The following RBM6 variants were observed in gnomAD, a reference collection of about 807,000 sequenced individuals.
RBM6 encodes the protein RNA binding motif protein 6.
A neutral mutation model predicts 140.4 loss-of-function variants in RBM6; 23 were observed. The observed-to-expected ratio is 0.16, with a 90% confidence interval of 0.12 to 0.23. The LOEUF (loss-of-function observed/expected upper bound fraction) is 0.23. Among genes scored for constraint, RBM6 ranks in the 10% least tolerant of loss-of-function variants. RBM6 has a pLI of 1.00. For missense variants in RBM6, 1,139 were observed against 1,386.7 expected (o/e 0.82, Z 2.84); for synonymous variants, 439 against 475.6 (o/e 0.92, Z 1.00).
At position 49,968,505 on chromosome 3, in the gene RBM6, C is replaced by T. The variant is rs771713587; in HGVS notation, c.1080C>T (p.Ser360=). The T allele has an allele frequency of 1.9e-6, 3 of 1,614,172 alleles. No homozygotes were observed. The South Asian group carries it at 3.3e-5, about 18-fold the overall frequency. Residue 360 remains serine (S), a synonymous_variant, in exon 3 of 21, where the codon AGC becomes AGT. Coordinates refer to ENST00000266022, the MANE Select transcript of RBM6 (RefSeq NM_005777.3). ...AGTCTCCAGCAGACTTTCAGAACAG[C>T]CAAAGTCCAGTTCAAGACCAAGATA... The part of the protein sequence containing the change: ...EHESPADFQN[S]QSPVQDQDKS...
intron 5 of RBM6, chr3:49,981,529 A>T (rs550219791): frequency 6.6e-6 from 1 of 152,214 alleles, no homozygotes; most frequent in African/African-American, 2.4e-5. Context: ...AAGTGACTTA[A>T]TAATAAGCAA....
chr3:50,001,793 C>T (rs2108742762), intron 6 of RBM6, among the ~76,000 whole-genome samples: 1 of 152,288 alleles, frequency 6.6e-6, no homozygotes, highest in Non-Finnish European at 1.5e-5. Flanking sequence ...AATTCATAAG[C>T]AGTGAATGTG....
intron 5 of RBM6, among the ~76,000 whole-genome samples, chr3:49,976,936 A>G (rs2085088808): frequency 6.6e-6 from 1 of 152,214 alleles, no homozygotes; most frequent in Admixed American, 6.5e-5. Flanking sequence ...TTTTCTTGGC[A>G]TTCTGTTAAG....
intron 19 of RBM6, among the ~76,000 whole-genome samples, chr3:50,074,044 G>A (rs1187857480): frequency 6.6e-6 from 1 of 152,124 alleles, no homozygotes; most frequent in Non-Finnish European, 1.5e-5. Flanking sequence ...GGTCAGGGTG[G>A]TCTCGAACTC....
chr3:50,030,515 A>T (rs919255504), intron 6 of RBM6, among the ~76,000 whole-genome samples: 2 of 152,040 alleles, frequency 1.3e-5, no homozygotes, highest in East Asian at 3.8e-4. Flanking sequence ...TGTTTATTTT[A>T]TAGTTTATGA....
intron 6 of RBM6, among the ~76,000 whole-genome samples, chr3:50,008,317 G>A (rs1415214404): frequency 1.3e-5 from 2 of 152,136 alleles, no homozygotes; most frequent in African/African-American, 4.8e-5. Context: ...ATGGATTAAA[G>A]TAGTTTAGTT....
rs2083294086 is a variant in RBM6 at position 49,941,786 on chromosome 3, T to G, written c.-67+1561T>G. Among the ~76,000 whole-genome samples the G allele has an allele frequency of 2.0e-5, 3 of 151,882 alleles. No homozygotes were observed. In the South Asian group the frequency reaches 6.2e-4, roughly 32 times the overall value. On this transcript the variant is annotated intron_variant, in intron 1 of 20. Transcript: ENST00000266022. ...TTTCGCTATGTTGGCCAGGCTGGTCTTGAACTACTGACCTCAGGTGATCCA... is the reference window on the plus strand; with the variant it reads ...TTTCGCTATGTTGGCCAGGCTGGTCGTGAACTACTGACCTCAGGTGATCCA...
intron 1 of RBM6, among the ~76,000 whole-genome samples, chr3:49,941,726 A>G (rs1394726983): frequency 6.7e-6 from 1 of 148,674 alleles, no homozygotes; most frequent in Non-Finnish European, 1.5e-5. Context: ...CCTTATGCCC[A>G]GCTAATTTTT....
intron 6 of RBM6, among the ~76,000 whole-genome samples, chr3:50,031,475 C>CT (rs2088156616): frequency 6.6e-6 from 1 of 151,822 alleles, no homozygotes; most frequent in Non-Finnish European, 1.5e-5. Context: ...AGCAAACTAT[C>CT]TAAGGGCAGA....
At chr3:50,003,800 A>G (rs1186905106) in intron 6 of RBM6, among the ~76,000 whole-genome samples, 3 of 152,220 alleles carry the variant, frequency 2.0e-5, no homozygotes, top group African/African-American at 7.2e-5. Flanking sequence ...GTATGAAGGT[A>G]TGAATCTGTT....
chr3:50,065,541 C>A (rs757786968), intron 16 of RBM6: 1 of 458,302 alleles, frequency 2.2e-6, no homozygotes, highest in East Asian at 6.9e-5. Flanking sequence ...TCTGCCTGTT[C>A]AGAGTGAATG....
At chr3:50,014,437 G>A (rs2087011569) in intron 6 of RBM6, among the ~76,000 whole-genome samples, 1 of 152,208 alleles carries the variant, frequency 6.6e-6, no homozygotes. Flanking sequence ...ATATTTGGCA[G>A]CAATTACTAG....
At chr3:50,055,460 T>A (rs1331328421) in intron 8 of RBM6, among the ~76,000 whole-genome samples, 1 of 152,140 alleles carries the variant, frequency 6.6e-6, no homozygotes, top group Non-Finnish European at 1.5e-5. Context: ...TAACGTAACC[T>A]GTTAGTAAAT....
chr3:49,995,942 A>AC (rs2086064556), intron 5 of RBM6, among the ~76,000 whole-genome samples: 2 of 152,294 alleles, frequency 1.3e-5, no homozygotes, highest in Admixed American at 1.3e-4. Context: ...TAGCAATACA[A>AC]CCACTGTAAA....
chr3:50,030,465 T>C (rs115313255), intron 6 of RBM6, among the ~76,000 whole-genome samples: 6 of 152,114 alleles, frequency 3.9e-5, no homozygotes, highest in East Asian at 1.9e-4. Context: ...TCATTTCTTA[T>C]ACCTTTTGTT....
At chr3:50,029,586 A>T (rs932015644) in intron 6 of RBM6, among the ~76,000 whole-genome samples, 4 of 152,180 alleles carry the variant, frequency 2.6e-5, no homozygotes, top group Non-Finnish European at 1.5e-5. Context: ...TACAAAAATT[A>T]GCTGGGCGTG....
intron 6 of RBM6, among the ~76,000 whole-genome samples, chr3:50,038,384 A>G (rs1019442504): frequency 1.3e-5 from 2 of 152,122 alleles, no homozygotes; most frequent in African/African-American, 4.8e-5. Flanking sequence ...TTATTTACCA[A>G]ACTCCCTATT....
At chr3:50,035,102 G>A (rs961414375) in intron 6 of RBM6, among the ~76,000 whole-genome samples, 4 of 141,494 alleles carry the variant, frequency 2.8e-5, no homozygotes, top group Non-Finnish European at 6.0e-5. Flanking sequence ...GCTAAGGGCA[G>A]CAAATCTGTA....
At chr3:49,982,828 C>T (rs570212847) in intron 5 of RBM6, among the ~76,000 whole-genome samples, 1 of 152,184 alleles carries the variant, frequency 6.6e-6, no homozygotes, top group East Asian at 1.9e-4. Context: ...ATTCTCCTGC[C>T]TCAGCCTCCC....
Sources: allele counts gnomAD v4.1 joint callset (sites outside exome capture counted in the v4.1 genomes callset), GRCh38; gene constraint gnomAD v4.1.1; transcripts MANE v1.5; gene names NCBI Gene and HGNC (gene_info 2026-07-23, HGNC 2026-07-21).